Variants in CACNA2D1 observed in about 807,000 individuals in gnomAD.
CACNA2D1 encodes voltage-dependent calcium channel subunit alpha-2/delta-1.
Under a neutral mutation model 171.5 loss-of-function variants are expected in CACNA2D1, and 53 were observed. That is an observed-to-expected ratio of 0.31 (90% CI 0.25 to 0.39). The LOEUF (loss-of-function observed/expected upper bound fraction) is 0.39. Among genes scored for constraint, CACNA2D1 ranks in the 10% least tolerant of loss-of-function variants. The probability of loss-of-function intolerance (pLI) is 1.00; values close to 1 mark genes in which losing one functional copy is unlikely to be tolerated. For missense variants in CACNA2D1, 903 were observed against 1,299.8 expected, an observed-to-expected ratio of 0.69 and a Z score of 4.69; for synonymous variants, 442 against 443.1, an observed-to-expected ratio of 1.00 and a Z score of 0.03.
At chr7:82,326,043 G>T (rs991345096) in intron 3 of CACNA2D1, among the ~76,000 whole-genome samples, 1 of 152,118 alleles carries the variant, frequency 6.6e-6, no homozygotes, top group African/African-American at 2.4e-5. Flanking sequence ...ATGTGATGAT[G>T]TCCTGTCCAG....
intron 3 of CACNA2D1, among the ~76,000 whole-genome samples, chr7:82,202,643 G>A (rs944736069): frequency 4.3e-5 from 6 of 138,194 alleles, no homozygotes; most frequent in African/African-American, 1.4e-4. Flanking sequence ...GAGGGATGCA[G>A]CGGAGGTAAG....
At chr7:81,996,039 A>T (rs1240206964) in intron 19 of CACNA2D1, among the ~76,000 whole-genome samples, 2 of 152,188 alleles carry the variant, frequency 1.3e-5, no homozygotes, top group East Asian at 3.9e-4. Flanking sequence ...TCTTAAAGGA[A>T]GGAGTAGATA....
chr7:82,062,809 C>T (rs1807118314), intron 9 of CACNA2D1, among the ~76,000 whole-genome samples: 1 of 126,588 alleles, frequency 7.9e-6, no homozygotes, highest in African/African-American at 3.0e-5. Flanking sequence ...GGTATGAACA[C>T]AACTCACTGT....
At chr7:82,413,701 T>C (rs1827903826) in intron 1 of CACNA2D1, among the ~76,000 whole-genome samples, 1 of 152,168 alleles carries the variant, frequency 6.6e-6, no homozygotes, top group Admixed American at 6.5e-5. Context: ...ACTTAATGTG[T>C]TAATTATTGT....
At chr7:82,093,517 C>T (rs572942365) in intron 6 of CACNA2D1, among the ~76,000 whole-genome samples, 82 of 152,138 alleles carry the variant, frequency 5.4e-4, no homozygotes, top group South Asian at 2.3e-3. Flanking sequence ...TCCAACAACA[C>T]TACTTAATTT....
chr7:82,082,557 T>C (rs1028818894), intron 7 of CACNA2D1, among the ~76,000 whole-genome samples: 1 of 151,740 alleles, frequency 6.6e-6, no homozygotes, highest in South Asian at 2.1e-4. Flanking sequence ...AGGGTACGTA[T>C]ATGTAAAATA....
In CACNA2D1 at chr7:82,171,312, A is replaced by T. The variant is rs1039276023; in HGVS notation, c.295-703T>A. On this transcript the variant is annotated intron_variant, in intron 3 of 38. Transcript: ENST00000356860. ...GTCAGCCTGCCAATCACTTTTTATA[A>T]ACTTTTTTTTCCCCTATTCCAATAG... 2.8e-4 allele frequency among the ~76,000 whole-genome samples: 43 copies of T among 151,988 alleles called. 1 individual carries two copies. The highest frequency in any genetic ancestry group is 2.1e-4 in the South Asian group (1 of 4,828).
chr7:82,036,767 T>C (rs1224991268), intron 11 of CACNA2D1, among the ~76,000 whole-genome samples: 2 of 152,212 alleles, frequency 1.3e-5, no homozygotes, highest in African/African-American at 4.8e-5. Flanking sequence ...ATTTAGAATA[T>C]TCACTCAGGA....
chr7:82,111,496 G>T, intron 6 of CACNA2D1, among the ~76,000 whole-genome samples: 1 of 131,502 alleles, frequency 7.6e-6, no homozygotes, highest in Non-Finnish European at 1.6e-5. Context: ...CACCCAGACT[G>T]GAGTGCAGTG....
In CACNA2D1 at chr7:82,165,132, G is replaced by A. The variant is rs115311108; in HGVS notation, c.354+5418C>T. ...CTCAATCCCAGGATATTGAAGCAGC[G>A]GATTGGTCCTGAAAATATAGAGAAC... On this transcript the variant is annotated intron_variant, in intron 4 of 38. Coordinates refer to ENST00000356860, the MANE Select transcript of CACNA2D1 (RefSeq NM_000722.4). 5.4e-3 allele frequency among the ~76,000 whole-genome samples: 824 copies of A among 151,952 alleles called. 9 individuals are homozygous for A. The highest frequency in any genetic ancestry group is 0.017 in the African/African-American group (711 of 41,490).
chr7:82,057,056 G>T (rs1376045223), intron 10 of CACNA2D1, among the ~76,000 whole-genome samples: 1 of 152,118 alleles, frequency 6.6e-6, no homozygotes, highest in Non-Finnish European at 1.5e-5. Context: ...CTGATTTGGG[G>T]ATGTTGTCTT....
intron 1 of CACNA2D1, among the ~76,000 whole-genome samples, chr7:82,370,976 A>T (rs1162681481): frequency 6.6e-6 from 1 of 152,212 alleles, no homozygotes; most frequent in African/African-American, 2.4e-5. Context: ...AAAAATAAAT[A>T]TCTGATTCTA....
chr7:82,113,374 T>C (rs1788670013), intron 6 of CACNA2D1, among the ~76,000 whole-genome samples: 1 of 152,148 alleles, frequency 6.6e-6, no homozygotes, highest in Non-Finnish European at 1.5e-5. Flanking sequence ...GCTTGTCTTG[T>C]ATAATTCTAA....
At chr7:82,005,900 T>C (rs1799072394) in intron 16 of CACNA2D1, 61 bp from the exon 17 acceptor site, 3 of 936,800 alleles carry the variant, frequency 3.2e-6, no homozygotes, top group Admixed American at 1.7e-5. Flanking sequence ...TTTACACAAT[T>C]ATCATATGAT....
chr7:82,295,526 T>C (rs1266533773), intron 3 of CACNA2D1, among the ~76,000 whole-genome samples: 1 of 151,878 alleles, frequency 6.6e-6, no homozygotes, highest in Non-Finnish European at 1.5e-5. Context: ...TTCTTTCTTT[T>C]TTTTTTCTTT....
chr7:82,406,396 G>A (rs1827049215), intron 1 of CACNA2D1, among the ~76,000 whole-genome samples: 1 of 152,104 alleles, frequency 6.6e-6, no homozygotes, highest in African/African-American at 2.4e-5. Flanking sequence ...ATAATCCTTT[G>A]GGTATATACC....
chr7:82,030,042 T>C (rs555894763), intron 12 of CACNA2D1: 3 of 151,874 alleles, frequency 2.0e-5, no homozygotes, highest in Non-Finnish European at 2.9e-5. Flanking sequence ...CTTGATTTAT[T>C]AGTTTTATAA....
intron 1 of CACNA2D1, among the ~76,000 whole-genome samples, chr7:82,378,047 T>C (rs1823222357): frequency 6.6e-6 from 1 of 152,302 alleles, no homozygotes; most frequent in Non-Finnish European, 1.5e-5. Context: ...CTACTTAGCA[T>C]TACCTTTCTC....
At chr7:82,206,960 A>G (rs1800061647) in intron 3 of CACNA2D1, among the ~76,000 whole-genome samples, 1 of 152,218 alleles carries the variant, frequency 6.6e-6, no homozygotes, top group Non-Finnish European at 1.5e-5. Context: ...AACAAGGAAT[A>G]CATTTATTGA....
Sources: gnomAD v4.1 joint callset for allele counts (sites outside exome capture counted in the v4.1 genomes callset) on GRCh38, gnomAD v4.1.1 for gene constraint, MANE v1.5 for transcripts, NCBI Gene and HGNC (gene_info 2026-07-23, HGNC 2026-07-21) for gene names.